The following EFCAB7 variants were observed in gnomAD, a reference collection of about 807,000 sequenced individuals.
The protein encoded by EFCAB7 is EF-hand calcium binding domain 7.
In EFCAB7, 66 loss-of-function variants were observed where a neutral mutation model predicts 77.1. That is an observed-to-expected ratio of 0.86 (90% CI 0.70 to 1.05). The LOEUF (loss-of-function observed/expected upper bound fraction) is 1.05. EFCAB7 is among the 50% of genes least tolerant of loss of function. The probability of loss-of-function intolerance (pLI) is 0.00; values close to 1 mark genes in which losing one functional copy is unlikely to be tolerated. For missense variants in EFCAB7, 638 were observed against 730.5 expected (o/e 0.87, Z 1.46); for synonymous variants, 225 against 243.3 (o/e 0.92, Z 0.70).
intron 7 of EFCAB7, chr1:63,547,008 GTT>G (rs1646906675): frequency 6.6e-6 from 1 of 151,890 alleles, no homozygotes; most frequent in East Asian, 1.9e-4. Context: ...CTTTTATAAT[GTT>G]TACATACAAG....
intron 6 of EFCAB7, among the ~76,000 whole-genome samples, chr1:63,537,006 TGATA>T (rs1646771229): frequency 6.6e-6 from 1 of 152,182 alleles, no homozygotes; most frequent in Non-Finnish European, 1.5e-5. Context: ...AAAATTGTTG[TGATA>T]GATAAGGGTA....
intron 7 of EFCAB7, chr1:63,547,085 A>C (rs900490349): frequency 6.6e-6 from 1 of 152,120 alleles, no homozygotes; most frequent in African/African-American, 2.4e-5. Flanking sequence ...AGATTTTGAA[A>C]GTTTTCACTG....
downstream of EFCAB7, among the ~76,000 whole-genome samples, chr1:63,573,083 G>C (rs992180440): frequency 2.0e-5 from 3 of 152,126 alleles, no homozygotes; most frequent in African/African-American, 7.2e-5. Context: ...GGCTTAGCTT[G>C]GGCTCAGAGG....
intron 11 of EFCAB7, among the ~76,000 whole-genome samples, chr1:63,562,258 T>G (rs974390779): frequency 4.6e-5 from 7 of 151,628 alleles, no homozygotes; most frequent in Non-Finnish European, 7.4e-5. Flanking sequence ...TCTGGTCTTT[T>G]TATAAAGGGT....
At chr1:63,548,611 T>C (rs1339040538) in intron 7 of EFCAB7, 1 of 152,200 alleles carries the variant, frequency 6.6e-6, no homozygotes, top group Non-Finnish European at 1.5e-5. Context: ...TCCACTTGTA[T>C]GGTACCTGAC....
chr1:63,553,071 C>G (rs920560257), intron 8 of EFCAB7, among the ~76,000 whole-genome samples: 1 of 152,142 alleles, frequency 6.6e-6, no homozygotes, highest in Non-Finnish European at 1.5e-5. Flanking sequence ...TTCTGTTTAT[C>G]TGTAATATGT....
downstream of EFCAB7, among the ~76,000 whole-genome samples, chr1:63,577,087 C>T (rs1007033841): frequency 2.0e-5 from 3 of 150,034 alleles, no homozygotes; most frequent in African/African-American, 7.4e-5. Context: ...GCTGAGGTTG[C>T]AGTGAGCTGA....
chr1:63,541,627 C>T (rs1257441979), intron 6 of EFCAB7, among the ~76,000 whole-genome samples: 4 of 151,898 alleles, frequency 2.6e-5, no homozygotes, highest in African/African-American at 9.7e-5. Context: ...TACAGTGGCA[C>T]GATCTCAGCT....
At chr1:63,533,740 A>T in intron 5 of EFCAB7, 91 bp downstream of exon 5, 3 of 963,980 alleles carry the variant, frequency 3.1e-6, no homozygotes, top group Non-Finnish European at 4.4e-6. Context: ...TATCAGTGAT[A>T]AAACAAATGA....
At chr1:63,540,942 A>G (rs1646822196) in intron 6 of EFCAB7, among the ~76,000 whole-genome samples, 1 of 152,148 alleles carries the variant, frequency 6.6e-6, no homozygotes, top group Non-Finnish European at 1.5e-5. Context: ...TGAAAATAAA[A>G]GGAAATAGAG....
At chr1:63,556,867 A>G (rs1488946238) in intron 9 of EFCAB7, among the ~76,000 whole-genome samples, 4 of 134,254 alleles carry the variant, frequency 3.0e-5, no homozygotes, top group Non-Finnish European at 6.8e-5. Context: ...ATCTCTACTA[A>G]AAATACAAAA....
intron 11 of EFCAB7, among the ~76,000 whole-genome samples, chr1:63,562,448 TTTATATATATATATATA>T (rs1647115469): frequency 4.5e-5 from 2 of 44,890 alleles, no homozygotes; most frequent in East Asian, 1.3e-3. Context: ...TCTTAATTTA[TTTATATATATATATATA>T]TATATATATA....
chr1:63,534,976 A>G (rs41469347), intron 6 of EFCAB7, among the ~76,000 whole-genome samples: 2,982 of 152,204 alleles, frequency 0.02, 90 homozygotes, highest in African/African-American at 0.068. Context: ...TTAGGAATCT[A>G]TACACCCTAA....
At chr1:63,551,488 G>A (rs1646963678) in intron 7 of EFCAB7, among the ~76,000 whole-genome samples, 1 of 152,112 alleles carries the variant, frequency 6.6e-6, no homozygotes, top group African/African-American at 2.4e-5. Context: ...CTACTCAGGA[G>A]GCTGAAGCAG....
chr1:63,527,225 G>A (rs1646608576), intron 2 of EFCAB7, among the ~76,000 whole-genome samples: 1 of 152,160 alleles, frequency 6.6e-6, no homozygotes, highest in South Asian at 2.1e-4. Flanking sequence ...CAATGTGTAT[G>A]TATTACTAAG....
chr1:63,544,425 T>G (rs747697915), intron 6 of EFCAB7, among the ~76,000 whole-genome samples: 4 of 151,970 alleles, frequency 2.6e-5, no homozygotes, highest in Non-Finnish European at 5.9e-5. Flanking sequence ...TGAAACTTCT[T>G]TTTTTGAGAC....
At chr1:63,583,644 C>T in the EFCAB7 span, among the ~76,000 whole-genome samples, 5 of 152,030 alleles carry the variant, frequency 3.3e-5, no homozygotes, top group African/African-American at 9.7e-5. Flanking sequence ...GGAATGTCAA[C>T]GCTATGGATG....
chr1:63,560,219 T>C (rs1337137518), intron 10 of EFCAB7, among the ~76,000 whole-genome samples: 2 of 152,188 alleles, frequency 1.3e-5, no homozygotes, highest in Admixed American at 6.5e-5. Flanking sequence ...CCCAAAGTGC[T>C]GGGATTACAG....
At chr1:63,566,152 G>T (rs1431730766) in intron 11 of EFCAB7, among the ~76,000 whole-genome samples, 1 of 152,158 alleles carries the variant, frequency 6.6e-6, no homozygotes, top group Non-Finnish European at 1.5e-5. Flanking sequence ...TACACCATGG[G>T]ATACTATACA....
Sources: gnomAD v4.1 joint callset for allele counts (sites outside exome capture counted in the v4.1 genomes callset) on GRCh38, gnomAD v4.1.1 for gene constraint, MANE v1.5 for transcripts, NCBI Gene and HGNC (gene_info 2026-07-23, HGNC 2026-07-21) for gene names.